Variants in ZFC3H1 observed in about 807,000 individuals in gnomAD.
The protein encoded by ZFC3H1 is zinc finger C3H1 domain-containing protein.
Under a neutral mutation model 243.7 loss-of-function variants are expected in ZFC3H1, and 71 were observed. The observed-to-expected ratio is 0.29, with a 90% confidence interval of 0.24 to 0.36. ZFC3H1 has a LOEUF of 0.36. Among genes scored for constraint, ZFC3H1 ranks in the 10% least tolerant of loss-of-function variants. The pLI is 1.00. For synonymous variants in ZFC3H1, 838 were observed against 813.0 expected (o/e 1.03, Z -0.52); for missense variants, 1,966 against 2,317.1 (o/e 0.85, Z 3.11).
At chr12:71,611,162 C>G in intron 32 of ZFC3H1, 65 bp from the exon 33 acceptor site, 1 of 1,414,460 alleles carries the variant, frequency 7.1e-7, no homozygotes, top group African/African-American at 1.5e-5. Flanking sequence ...TATCTTTGAA[C>G]AAAATGAAAC....
chr12:71,630,389 T>C (rs975677286), intron 18 of ZFC3H1, among the ~76,000 whole-genome samples: 10 of 152,212 alleles, frequency 6.6e-5, no homozygotes, highest in African/African-American at 2.4e-4. Context: ...ACTTGCCACA[T>C]GTGGCCATTG....
intron 1 of ZFC3H1, among the ~76,000 whole-genome samples, chr12:71,662,126 C>A (rs1254722005): frequency 6.6e-6 from 1 of 152,148 alleles, no homozygotes; most frequent in Non-Finnish European, 1.5e-5. Flanking sequence ...TTTACAAACC[C>A]ATTATAAAAC....
intron 2 of ZFC3H1, 79 bp downstream of exon 2, chr12:71,656,806 G>T: frequency 1.5e-6 from 2 of 1,374,758 alleles, no homozygotes; most frequent in South Asian, 1.4e-5. Context: ...TCATTTCAAT[G>T]AAGTACACTG....
chr12:71,629,205 G>A (rs1300097028), intron 19 of ZFC3H1, among the ~76,000 whole-genome samples, 168 bp from the exon 20 acceptor site: 1 of 148,230 alleles, frequency 6.7e-6, no homozygotes, highest in East Asian at 2.0e-4. Context: ...CACCCAGGCT[G>A]GAGTGCAGTG....
intron 18 of ZFC3H1, among the ~76,000 whole-genome samples, chr12:71,630,395 C>T (rs1263393522): frequency 6.6e-6 from 1 of 152,042 alleles, no homozygotes; most frequent in Non-Finnish European, 1.5e-5. Flanking sequence ...CACATGTGGC[C>T]ATTGGGTACT....
intron 31 of ZFC3H1, 55 bp from the exon 32 acceptor site, chr12:71,611,942 A>C: frequency 1.9e-6 from 2 of 1,073,986 alleles, no homozygotes; most frequent in Non-Finnish European, 2.8e-6. Flanking sequence ...ACGAACCCCA[A>C]ATGTGCTCTA....
At chr12:71,631,124 C>A (rs972461920) in intron 16 of ZFC3H1, among the ~76,000 whole-genome samples, 170 bp from the exon 17 acceptor site, 2 of 151,962 alleles carry the variant, frequency 1.3e-5, no homozygotes, top group Non-Finnish European at 2.9e-5. Context: ...CCTAGAATAT[C>A]AAGGGATAGA....
Position 71,627,577 on chromosome 12 carries a change from A to C in ZFC3H1, c.4130+174T>G, listed in dbSNP as rs1419945988. Among the ~76,000 whole-genome samples the C allele has an allele frequency of 5.3e-5, 8 of 152,216 alleles. No individual in the cohort carries two copies. The East Asian group carries it at 1.5e-3, about 29-fold the overall frequency. On this transcript the variant is annotated intron_variant, in intron 21 of 34. Coordinates refer to ENST00000378743, the MANE Select transcript of ZFC3H1 (RefSeq NM_144982.5). ...AGCCATGCACACAAACTCAAGATCT[A>C]ATCTTAAACTTGTCTAATAGCTTTT...
intron 27 of ZFC3H1, among the ~76,000 whole-genome samples, chr12:71,618,621 C>T (rs182565296): frequency 8.8e-4 from 133 of 151,602 alleles, no homozygotes; most frequent in Non-Finnish European, 1.3e-3. Flanking sequence ...TGGTAATAGA[C>T]TACATGGCCT....
Position 71,632,255 on chromosome 12 carries a change from G to C in ZFC3H1, c.3077C>G (p.Thr1026Ser). 1.9e-6 allele frequency: 3 copies of C among 1,612,680 alleles called. No individual in the cohort carries two copies. The highest frequency in any genetic ancestry group is 2.5e-6 in the Non-Finnish European group (3 of 1,179,544). ...TTCATCATCAACATCATTTTCTTCA[G>C]TGTCCAGGGTTAATTTATCTTGTGT... ...DLTQDKLTLD[T>S]EENDVDDEIL... Residue 1026 changes from threonine (T) to serine (S), a missense_variant, in exon 15 of 35, where the codon ACT (threonine) becomes AGT (serine). Transcript: ENST00000378743.
Position 71,632,947 on chromosome 12 carries a change from C to A in ZFC3H1, c.2756G>T (p.Arg919Leu), listed in dbSNP as rs1880361919. 6.2e-7 allele frequency: 1 copy of A among 1,613,662 alleles called. No homozygotes were observed. Among genetic ancestry groups the A allele is most frequent in the Non-Finnish European group, 8.5e-7 (1 of 1,179,892 alleles). Residue 919 changes from arginine (R) to leucine (L), a missense_variant, in exon 14 of 35, where the codon CGG becomes CTG. Physicochemically the swap from Arg to Leu is moderately radical, Grantham distance 102. This residue lies in a region of ZFC3H1 where 1,383 missense variants were observed against 1,723.7 expected (regional missense o/e 0.80). Coordinates refer to ENST00000378743, the MANE Select transcript of ZFC3H1 (RefSeq NM_144982.5). ...LTLKYGEELARAKAVASKEIG... is the reference protein window; with the variant it reads ...LTLKYGEELALAKAVASKEIG... ...TTCTTTACTGGCCACTGCCTTTGCC[C>A]GAGCAAGCTCTTCTCCATATTTTAG...
At chr12:71,654,514 T>G (rs750922667) in intron 2 of ZFC3H1, among the ~76,000 whole-genome samples, 1 of 152,134 alleles carries the variant, frequency 6.6e-6, no homozygotes, top group Non-Finnish European at 1.5e-5. Context: ...GCCAAGAAAG[T>G]GCTAAATATA....
In ZFC3H1 at chr12:71,613,508, C is replaced by T. The variant is rs181489173; in HGVS notation, c.5527-73G>A. Reference sequence around the variant, plus strand: ...ATCCAATTACCTATGTGTTTTAACACGAAAACCAAAATGGTCTTTAAGATA... The same window carrying T: ...ATCCAATTACCTATGTGTTTTAACATGAAAACCAAAATGGTCTTTAAGATA... On this transcript the variant is annotated intron_variant, in intron 30 of 34. Transcript: ENST00000378743. The T allele has an allele frequency of 3.6e-3, 3,688 of 1,010,428 alleles. 14 individuals are homozygous for T. Among genetic ancestry groups the T allele is most frequent in the Non-Finnish European group, 4.4e-3 (2,992 of 687,092 alleles). The allele number at this position is 1,010,428 out of a possible 1,614,324, so 62.6% of individuals were successfully genotyped here. A position where few individuals can be genotyped will look rare whatever the true frequency, so the allele number is the denominator to read the frequency against.
At chr12:71,647,394 T>C (rs975609309) in intron 3 of ZFC3H1, among the ~76,000 whole-genome samples, 6 of 152,074 alleles carry the variant, frequency 3.9e-5, no homozygotes, top group African/African-American at 1.4e-4. Flanking sequence ...GAGGTAGAAT[T>C]TGACACCAGG....
chr12:71,662,918 G>GATGATTCA, intron 1 of ZFC3H1, 95 bp downstream of exon 1: 2 of 1,258,148 alleles, frequency 1.6e-6, no homozygotes, highest in Non-Finnish European at 2.2e-6. Flanking sequence ...AAGCGGTTCT[G>GATGATTCA]ATGATTCAAA....
chr12:71,648,706 G>A (rs774821064), intron 2 of ZFC3H1, among the ~76,000 whole-genome samples: 2 of 152,116 alleles, frequency 1.3e-5, no homozygotes, highest in Non-Finnish European at 2.9e-5. Flanking sequence ...GTAAATAGAA[G>A]GCAATGACCA....
intron 6 of ZFC3H1, among the ~76,000 whole-genome samples, chr12:71,640,896 T>A (rs1251934702): frequency 6.6e-6 from 1 of 152,158 alleles, no homozygotes; most frequent in African/African-American, 2.4e-5. Flanking sequence ...CGAAAAACTC[T>A]ATATGGAAAA....
chr12:71,622,406 C>T (rs1880053446), intron 24 of ZFC3H1, among the ~76,000 whole-genome samples: 1 of 152,144 alleles, frequency 6.6e-6, no homozygotes, highest in African/African-American at 2.4e-5. Flanking sequence ...TAATCTCTTC[C>T]CTTTGGGTTC....
chr12:71,659,087 A>T (rs945307725), intron 1 of ZFC3H1, among the ~76,000 whole-genome samples: 2 of 151,936 alleles, frequency 1.3e-5, no homozygotes, highest in Non-Finnish European at 2.9e-5. Flanking sequence ...TTTTCTCTCT[A>T]ACTTGTGAAA....
Sources: allele counts gnomAD v4.1 joint callset (sites outside exome capture counted in the v4.1 genomes callset), GRCh38; gene constraint gnomAD v4.1.1; regional missense constraint gnomAD v4.1.1; transcripts MANE v1.5; gene names NCBI Gene and HGNC (gene_info 2026-07-23, HGNC 2026-07-21).